AFF3: variants seen among roughly 807,000 people sequenced by gnomAD.
The protein encoded by AFF3 is AF4/FMR2 family member 3.
In AFF3, 32 loss-of-function variants were observed where a neutral mutation model predicts 129.7. The observed-to-expected ratio is 0.25, with a 90% CI of 0.19 to 0.33. The LOEUF is 0.33. Among genes scored for constraint, AFF3 ranks in the 10% least tolerant of loss-of-function variants. The pLI is 1.00. For synonymous variants in AFF3, 644 were observed against 635.4 expected (o/e 1.01, Z -0.20); for missense variants, 1,373 against 1,592.0 (o/e 0.86, Z 2.34).
intron 12 of AFF3, among the ~76,000 whole-genome samples, chr2:99,652,041 C>T (rs1375322040): frequency 1.3e-5 from 2 of 152,224 alleles, no homozygotes; most frequent in East Asian, 3.9e-4. Context: ...CAGGAAGGTG[C>T]AGGGATGGGC....
At position 99,587,235 on chromosome 2, in the gene AFF3, C is replaced by A; in HGVS notation, c.2510G>T (p.Gly837Val). 6.2e-7 allele frequency: 1 copy of A among 1,614,172 alleles called. No individual in the cohort carries two copies. Among genetic ancestry groups the A allele is most frequent in the Non-Finnish European group, 8.5e-7 (1 of 1,180,020 alleles). Reference protein sequence around the residue: ...DDYREIKKSQGEKDSSSRLAT... With the variant: ...DDYREIKKSQVEKDSSSRLAT... Reference sequence around the variant, plus strand: ...CAGTCTTGAAGAGCTGTCTTTCTCTCCCTGGGACTTCTTGATCTCCCTGTA... The same window carrying A: ...CAGTCTTGAAGAGCTGTCTTTCTCTACCTGGGACTTCTTGATCTCCCTGTA... Residue 837 changes from glycine (G) to valine (V), a missense_variant, in exon 16 of 25, where the codon GGA becomes GTA. Transcript: ENST00000672756.
chr2:99,767,863 T>C (rs1235710589), intron 8 of AFF3, among the ~76,000 whole-genome samples: 3 of 152,188 alleles, frequency 2.0e-5, no homozygotes, highest in Non-Finnish European at 4.4e-5. Context: ...GAGAATAGCA[T>C]GAACCCGGGA....
intron 15 of AFF3, among the ~76,000 whole-genome samples, chr2:99,592,940 C>A (rs1252377790): frequency 1.1e-5 from 1 of 93,630 alleles, no homozygotes; most frequent in Non-Finnish European, 2.2e-5. Flanking sequence ...CCTCCCCCCC[C>A]CCCAAAAAAA....
At chr2:100,030,337 C>A (rs959169776) in intron 4 of AFF3, among the ~76,000 whole-genome samples, 3 of 152,186 alleles carry the variant, frequency 2.0e-5, no homozygotes, top group African/African-American at 7.2e-5. Context: ...CAACGAGATA[C>A]CGCTACACAC....
chr2:100,024,697 A>G (rs910034821), intron 4 of AFF3, among the ~76,000 whole-genome samples: 5 of 152,080 alleles, frequency 3.3e-5, no homozygotes, highest in African/African-American at 1.2e-4. Context: ...TGGTTAGTAA[A>G]TTATAGCACT....
intron 7 of AFF3, among the ~76,000 whole-genome samples, chr2:99,883,465 G>A (rs940348334): frequency 6.6e-6 from 1 of 152,178 alleles, no homozygotes; most frequent in Non-Finnish European, 1.5e-5. Flanking sequence ...TCTCCCAGCT[G>A]AACTCAGAAT....
chr2:99,631,926 T>C (rs1190058936), intron 13 of AFF3, among the ~76,000 whole-genome samples: 1 of 151,880 alleles, frequency 6.6e-6, no homozygotes, highest in African/African-American at 2.4e-5. Context: ...GGAACTGCCA[T>C]ACTGTTTTCC....
At chr2:99,593,093 G>A (rs1385253277) in intron 15 of AFF3, 102 bp downstream of exon 15, 83 of 1,379,878 alleles carry the variant, frequency 6.0e-5, no homozygotes, top group South Asian at 2.9e-4. Context: ...GCAGCCTACC[G>A]TCCCAAACAG....
intron 4 of AFF3, among the ~76,000 whole-genome samples, chr2:100,031,017 G>T (rs1684445441): frequency 6.6e-6 from 1 of 152,098 alleles, no homozygotes; most frequent in African/African-American, 2.4e-5. Flanking sequence ...AGGAAGAAAA[G>T]CAGAATGAGA....
At chr2:100,089,094 C>G (rs1440790665) in intron 4 of AFF3, among the ~76,000 whole-genome samples, 1 of 152,152 alleles carries the variant, frequency 6.6e-6, no homozygotes, top group Non-Finnish European at 1.5e-5. Context: ...AAGTGTGAAC[C>G]TATGCTCTGG....
chr2:99,865,985 C>G (rs1345756659), intron 7 of AFF3, among the ~76,000 whole-genome samples: 3 of 152,244 alleles, frequency 2.0e-5, no homozygotes, highest in African/African-American at 7.2e-5. Flanking sequence ...TTGTGCTAGG[C>G]AGCCCGATTG....
At chr2:99,966,668 C>A (rs866846072) in intron 7 of AFF3, among the ~76,000 whole-genome samples, 7 of 102,884 alleles carry the variant, frequency 6.8e-5, no homozygotes, top group Non-Finnish European at 1.1e-4. Flanking sequence ...CCAGCCTGGG[C>A]GACAGAGCGA....
At chr2:99,649,737 TAAAAA>T in intron 12 of AFF3, 71 bp from the exon 13 acceptor site, 1 of 1,552,740 alleles carries the variant, frequency 6.4e-7, no homozygotes, top group South Asian at 1.1e-5. Context: ...AATGAACACT[TAAAAA>T]AAAGACCCCT....
chr2:99,693,854 A>G (rs760780426), intron 11 of AFF3, among the ~76,000 whole-genome samples: 1 of 152,126 alleles, frequency 6.6e-6, no homozygotes. Flanking sequence ...ATTATTTCCA[A>G]TGTTAAGTTA....
At chr2:99,654,407 A>T (rs1283149563) in intron 12 of AFF3, among the ~76,000 whole-genome samples, 1 of 152,212 alleles carries the variant, frequency 6.6e-6, no homozygotes, top group Non-Finnish European at 1.5e-5. Flanking sequence ...TCTTTAAAAA[A>T]ACCTTCAGCT....
At chr2:99,922,455 A>G (rs1243920109) in intron 7 of AFF3, among the ~76,000 whole-genome samples, 1 of 152,230 alleles carries the variant, frequency 6.6e-6, no homozygotes, top group African/African-American at 2.4e-5. Context: ...GTGCTGGATA[A>G]AAAGAAGCCA....
At chr2:99,946,839 T>C (rs939783129) in intron 7 of AFF3, among the ~76,000 whole-genome samples, 1 of 152,232 alleles carries the variant, frequency 6.6e-6, no homozygotes, top group African/African-American at 2.4e-5. Context: ...TCCGCAATTA[T>C]ATACAAATAA....
intron 12 of AFF3, among the ~76,000 whole-genome samples, chr2:99,669,572 G>A (rs1037601837): frequency 1.3e-5 from 2 of 152,222 alleles, no homozygotes; most frequent in Non-Finnish European, 2.9e-5. Context: ...GTGGTGACTG[G>A]TGGGAGCATG....
At chr2:99,635,141 A>C (rs1683521267) in intron 13 of AFF3, among the ~76,000 whole-genome samples, 1 of 151,820 alleles carries the variant, frequency 6.6e-6, no homozygotes, top group Non-Finnish European at 1.5e-5. Context: ...TGATATATAC[A>C]CATATCTCTA....
Sources: gnomAD v4.1 joint callset for allele counts (sites outside exome capture counted in the v4.1 genomes callset) on GRCh38, gnomAD v4.1.1 for gene constraint, MANE v1.5 for transcripts, NCBI Gene and HGNC (gene_info 2026-07-23, HGNC 2026-07-21) for gene names.